R3HDM1: variants seen among roughly 807,000 people sequenced by gnomAD.
R3HDM1 encodes the protein R3H domain containing 1.
Under a neutral mutation model 141.1 loss-of-function variants are expected in R3HDM1, and 46 were observed. The observed-to-expected ratio is 0.33, with a 90% CI of 0.26 to 0.42. The LOEUF is 0.42. R3HDM1 is among the 10% of genes least tolerant of loss of function. The pLI, the probability that R3HDM1 is intolerant of heterozygous loss-of-function variation, is 1.00. For missense variants in R3HDM1, 1,184 were observed against 1,368.3 expected (o/e 0.87, Z 2.12); for synonymous variants, 435 against 472.9 (o/e 0.92, Z 1.04).
intron 1 of R3HDM1, chr2:135,568,707 T>C (rs1489951291): frequency 6.6e-6 from 1 of 152,216 alleles, no homozygotes; most frequent in African/African-American, 2.4e-5. Context: ...AGTTTAACAA[T>C]ACTTTTTTAA....
At chr2:135,665,128 G>T (rs1273428946) in intron 19 of R3HDM1, among the ~76,000 whole-genome samples, 2 of 152,144 alleles carry the variant, frequency 1.3e-5, no homozygotes, top group African/African-American at 2.4e-5. Flanking sequence ...TATTTCAAAA[G>T]ATCAGATTAC....
intron 23 of R3HDM1, 132 bp downstream of exon 23, chr2:135,710,363 C>T (rs1042641904): frequency 2.3e-6 from 2 of 880,614 alleles, no homozygotes; most frequent in African/African-American, 3.4e-5. Context: ...GGTGGCTCTC[C>T]CCTGTAATCC....
At chr2:135,621,378 G>T in intron 5 of R3HDM1, 116 bp from the exon 6 acceptor site, 1 of 533,146 alleles carries the variant, frequency 1.9e-6, no homozygotes, top group Non-Finnish European at 3.1e-6. Flanking sequence ...GAATCCAGTT[G>T]GGTAAAATAA....
At chr2:135,709,663 G>A in intron 22 of R3HDM1, 127 bp downstream of exon 22, 6 of 1,130,942 alleles carry the variant, frequency 5.3e-6, no homozygotes, top group Non-Finnish European at 7.6e-6. Context: ...CAATATTGAG[G>A]GTGCTGTACT....
At chr2:135,608,439 C>T (rs1248392398) in intron 3 of R3HDM1, among the ~76,000 whole-genome samples, 1 of 151,994 alleles carries the variant, frequency 6.6e-6, no homozygotes, top group Non-Finnish European at 1.5e-5. Flanking sequence ...AGTTGAGATA[C>T]CTTGTATAGA....
intron 1 of R3HDM1, among the ~76,000 whole-genome samples, chr2:135,574,423 C>T (rs1704894271): frequency 6.6e-6 from 1 of 152,144 alleles, no homozygotes; most frequent in Admixed American, 6.5e-5. Flanking sequence ...CCTTCAAAGA[C>T]CAGATAGTTC....
intron 21 of R3HDM1, among the ~76,000 whole-genome samples, chr2:135,692,214 T>A (rs2072514472): frequency 6.6e-6 from 1 of 152,144 alleles, no homozygotes; most frequent in South Asian, 2.1e-4. Context: ...CCAGCCATTT[T>A]TTTTTTTCTA....
chr2:135,547,767 C>CTT lies in R3HDM1; in HGVS notation c.-250+16154_-250+16155dup, dbSNP rs56950620. ...ATATGTCTGTAGTCTTTTTTCTTTT[C>CTT]TTTTTTTTTTTTTTTTTTTTTCTTG... On this transcript the variant is annotated intron_variant, in intron 1 of 26. Transcript: ENST00000683871. 2.8e-4 allele frequency among the ~76,000 whole-genome samples: 30 copies of CTT among 107,378 alleles called. 1 individual carries two copies. Among genetic ancestry groups the CTT allele is most frequent in the Non-Finnish European group, 3.9e-4 (22 of 56,276 alleles). 70.4% of individuals were successfully genotyped at this position (107,378 alleles called of 152,430 possible). A position where few individuals can be genotyped will look rare whatever the true frequency, so the allele number is the denominator to read the frequency against.
At chr2:135,638,699 T>C (rs1263203583) in intron 12 of R3HDM1, 40 bp from the exon 13 acceptor site, 1 of 1,612,350 alleles carries the variant, frequency 6.2e-7, no homozygotes, top group Admixed American at 1.7e-5. Flanking sequence ...GTCTGACTGA[T>C]GCTAATAAAA....
intron 16 of R3HDM1, among the ~76,000 whole-genome samples, chr2:135,646,305 T>C (rs1260579628): frequency 1.3e-5 from 2 of 150,722 alleles, no homozygotes; most frequent in Non-Finnish European, 3.0e-5. Flanking sequence ...CCGGCAAATT[T>C]TTTGTATTTT....
intron 1 of R3HDM1, among the ~76,000 whole-genome samples, chr2:135,579,595 C>CGTGGG (rs1706287237): frequency 1.2e-5 from 1 of 86,858 alleles, no homozygotes; most frequent in African/African-American, 5.8e-5. Context: ...TATGGGGTGG[C>CGTGGG]GGGGGGGGGT....
chr2:135,619,487 C>G (rs1484881517), intron 5 of R3HDM1, among the ~76,000 whole-genome samples: 1 of 152,090 alleles, frequency 6.6e-6, no homozygotes, highest in Non-Finnish European at 1.5e-5. Context: ...GAAGTTATAT[C>G]AAAAGTCAAT....
intron 17 of R3HDM1, 62 bp downstream of exon 17, chr2:135,650,065 A>G (rs2105275135): frequency 1.8e-6 from 2 of 1,126,756 alleles, no homozygotes; most frequent in South Asian, 2.1e-5. Context: ...TGAATGCTCA[A>G]GAGTGTCATT....
intron 20 of R3HDM1, among the ~76,000 whole-genome samples, chr2:135,677,485 A>G (rs1012657710): frequency 1.3e-5 from 2 of 152,128 alleles, no homozygotes; most frequent in African/African-American, 4.8e-5. Flanking sequence ...AGCATGTAAG[A>G]TCTGCCCTTA....
At chr2:135,635,838 A>G in intron 9 of R3HDM1, 52 bp from the exon 10 acceptor site, 1 of 1,531,906 alleles carries the variant, frequency 6.5e-7, no homozygotes, top group Non-Finnish European at 8.7e-7. Context: ...TTCTTTGCTA[A>G]TATTGTTCAT....
chr2:135,552,172 C>T (rs1196336327), intron 1 of R3HDM1, among the ~76,000 whole-genome samples: 1 of 152,020 alleles, frequency 6.6e-6, no homozygotes, highest in Non-Finnish European at 1.5e-5. Context: ...TATGGCATGA[C>T]CTAATCCAGA....
At chr2:135,581,713 C>A (rs573836809) in intron 1 of R3HDM1, among the ~76,000 whole-genome samples, 74 of 152,216 alleles carry the variant, frequency 4.9e-4, no homozygotes, top group African/African-American at 1.7e-3. Flanking sequence ...TCCAGGTTTT[C>A]AAGTTTCTGA....
intron 1 of R3HDM1, among the ~76,000 whole-genome samples, chr2:135,572,199 C>A (rs1172838430): frequency 6.6e-6 from 1 of 152,106 alleles, no homozygotes; most frequent in Non-Finnish European, 1.5e-5. Flanking sequence ...CTCAAGTGAC[C>A]CAACCTTGGC....
chr2:135,682,806 G>T (rs1449386599), intron 21 of R3HDM1, among the ~76,000 whole-genome samples: 2 of 151,704 alleles, frequency 1.3e-5, no homozygotes, highest in African/African-American at 4.8e-5. Flanking sequence ...AGACCAGCCT[G>T]GCCAACATGG....
Sources: gnomAD v4.1 joint callset for allele counts (sites outside exome capture counted in the v4.1 genomes callset) on GRCh38, gnomAD v4.1.1 for gene constraint, MANE v1.5 for transcripts, NCBI Gene and HGNC (gene_info 2026-07-23, HGNC 2026-07-21) for gene names.